The following PIBF1 variants were observed in gnomAD, a reference collection of about 807,000 sequenced individuals.
PIBF1 encodes progesterone-induced-blocking factor 1.
In PIBF1, 90 loss-of-function variants were observed where a neutral mutation model predicts 112.5. The observed-to-expected ratio is 0.80, with a 90% confidence interval of 0.67 to 0.95. PIBF1 has a LOEUF of 0.95. Among genes scored for constraint, PIBF1 ranks in the 40% least tolerant of loss-of-function variants. The pLI is 0.00. For synonymous variants in PIBF1, 301 were observed against 288.6 expected (o/e 1.04, Z -0.44); for missense variants, 915 against 852.3 (o/e 1.07, Z -0.92).
At chr13:72,900,490 A>G (rs1462325085) in intron 11 of PIBF1, among the ~76,000 whole-genome samples, 1 of 152,160 alleles carries the variant, frequency 6.6e-6, no homozygotes, top group East Asian at 1.9e-4. Flanking sequence ...AAACAAAAAC[A>G]AAGTGGGGAA....
chr13:72,866,248 A>G (rs1282538507), intron 10 of PIBF1, among the ~76,000 whole-genome samples: 1 of 151,832 alleles, frequency 6.6e-6, no homozygotes, highest in East Asian at 1.9e-4. Flanking sequence ...ATCTACAAAG[A>G]CTCTTTTTCC....
intron 15 of PIBF1, among the ~76,000 whole-genome samples, chr13:72,972,189 A>G (rs1483628909): frequency 6.6e-6 from 1 of 151,504 alleles, no homozygotes; most frequent in African/African-American, 2.4e-5. Context: ...GCATGTCTCC[A>G]CACCTGGCTA....
chr13:72,944,749 G>T (rs554590066), intron 14 of PIBF1, among the ~76,000 whole-genome samples: 1 of 152,026 alleles, frequency 6.6e-6, no homozygotes, highest in Admixed American at 6.6e-5. Flanking sequence ...ACATGGGCAG[G>T]TTTATTATCT....
chr13:72,898,707 G>T (rs1350794986), intron 11 of PIBF1, among the ~76,000 whole-genome samples: 1 of 149,888 alleles, frequency 6.7e-6, no homozygotes, highest in Non-Finnish European at 1.5e-5. Context: ...AATAAAGCCG[G>T]GCATGTGGCT....
chr13:72,813,475 G>A (rs988912691), intron 5 of PIBF1, among the ~76,000 whole-genome samples: 3 of 152,178 alleles, frequency 2.0e-5, no homozygotes, highest in Non-Finnish European at 4.4e-5. Context: ...TCTGAAGGTT[G>A]ATAGGTTCAG....
intron 14 of PIBF1, among the ~76,000 whole-genome samples, chr13:72,939,830 CCT>C (rs1056234705): frequency 1.3e-5 from 2 of 151,830 alleles, no homozygotes; most frequent in African/African-American, 4.8e-5. Context: ...CTTTTCTCTC[CCT>C]CTCTCTCTTT....
chr13:72,961,161 C>T (rs2042594724), intron 14 of PIBF1, among the ~76,000 whole-genome samples: 1 of 151,558 alleles, frequency 6.6e-6, no homozygotes, highest in Non-Finnish European at 1.5e-5. Flanking sequence ...TATGTGCAAG[C>T]AGACATCCTC....
At chr13:72,876,769 C>A (rs573842591) in intron 10 of PIBF1, among the ~76,000 whole-genome samples, 25 of 152,072 alleles carry the variant, frequency 1.6e-4, no homozygotes, top group African/African-American at 6.0e-4. Context: ...TGTATATTGC[C>A]CTTGTATCCT....
At chr13:72,809,771 G>A (rs1458514742) in intron 5 of PIBF1, among the ~76,000 whole-genome samples, 2 of 151,814 alleles carry the variant, frequency 1.3e-5, no homozygotes, top group African/African-American at 2.4e-5. Flanking sequence ...TGTATTTTTA[G>A]TAGAGAGGGG....
chr13:72,945,044 T>C (rs563844689), intron 14 of PIBF1, among the ~76,000 whole-genome samples: 2 of 152,230 alleles, frequency 1.3e-5, no homozygotes, highest in South Asian at 2.1e-4. Flanking sequence ...CTTGGCCCCC[T>C]CTCCCTCTCC....
chr13:72,900,477 A>G (rs1156524405), intron 11 of PIBF1, among the ~76,000 whole-genome samples: 1 of 152,218 alleles, frequency 6.6e-6, no homozygotes, highest in East Asian at 1.9e-4. Flanking sequence ...CCTTTGACAA[A>G]GCAAACAAAA....
In PIBF1 at chr13:72,933,053, A is replaced by G. The variant is rs187223177; in HGVS notation, c.1833+1786A>G. On this transcript the variant is annotated intron_variant, in intron 14 of 17. Coordinates refer to ENST00000326291, the MANE Select transcript of PIBF1 (RefSeq NM_006346.4). ...ATAGAGAACTCCTACAAGCTGCTGC[A>G]AGCCAAGTCCAGCACACTGCTAGGT... Among the ~76,000 whole-genome samples, 65 of 151,146 alleles carry G rather than the reference A, an allele frequency of 4.3e-4. 2 individuals carry two copies. Among genetic ancestry groups the G allele is most frequent in the African/African-American group, 1.5e-3 (63 of 41,080 alleles).
At chr13:72,807,831 A>G (rs985673433) in intron 5 of PIBF1, among the ~76,000 whole-genome samples, 1 of 152,250 alleles carries the variant, frequency 6.6e-6, no homozygotes, top group South Asian at 2.1e-4. Flanking sequence ...ATTTTATTAT[A>G]GAAATTTTCA....
intron 14 of PIBF1, among the ~76,000 whole-genome samples, chr13:72,951,243 T>C (rs2042288349): frequency 6.6e-6 from 1 of 152,206 alleles, no homozygotes; most frequent in Non-Finnish European, 1.5e-5. Context: ...TTCTGGGTTA[T>C]TTTTAATAAT....
At position 72,925,542 on chromosome 13, in the gene PIBF1, C is replaced by CTTTTTTTTTTTTTTTTTTT. The variant is rs59074858; in HGVS notation, c.1731-5620_1731-5602dup. 5.9e-5 allele frequency among the ~76,000 whole-genome samples: 6 copies of CTTTTTTTTTTTTTTTTTTT among 102,032 alleles called. 1 individual carries two copies. Among genetic ancestry groups the CTTTTTTTTTTTTTTTTTTT allele is most frequent in the East Asian group, 3.1e-4 (1 of 3,224 alleles). The allele number at this position is 102,032 out of a possible 152,430, so 66.9% of individuals were successfully genotyped here. A position where few individuals can be genotyped will look rare whatever the true frequency, so the allele number is the denominator to read the frequency against. On this transcript the variant is annotated intron_variant, in intron 13 of 17. Transcript: ENST00000326291. ...TTTTTTTCCTTTTTTCTTTCTCTCTCTTTTTTTTTTTTTTTTTTTTTGAGA... is the reference window on the plus strand; with the variant it reads ...TTTTTTTCCTTTTTTCTTTCTCTCTCTTTTTTTTTTTTTTTTTTTTTTTTTTTTTTTTTTTTTTTTGAGA...
chr13:72,816,799 A>T (rs998685295), intron 5 of PIBF1, among the ~76,000 whole-genome samples: 1 of 151,652 alleles, frequency 6.6e-6, no homozygotes, highest in South Asian at 2.1e-4. Flanking sequence ...TTTTGTTTTA[A>T]TGCATAGCAG....
chr13:72,854,099 A>C lies in PIBF1; in HGVS notation c.1266A>C (p.Glu422Asp). 6.2e-7 allele frequency: 1 copy of C among 1,613,664 alleles called. No individual in the cohort carries two copies. Among genetic ancestry groups the C allele is most frequent in the Non-Finnish European group, 8.5e-7 (1 of 1,179,620 alleles). The change falls in exon 10 of 18, where the codon GAA becomes GAC. Residue 422 changes from glutamate to aspartate, a missense_variant. By Grantham distance (45) the Glu-to-Asp change is conservative. Transcript: ENST00000326291. ...EARDNAVAEK[E>D]RAVMAEKDAL... The stretch of plus-strand genomic sequence containing the variant: ...GGGATAATGCTGTGGCTGAAAAGGA[A>C]CGAGCAGTGATGGCTGAAAAGGATG...
chr13:72,893,950 G>T lies in PIBF1; in HGVS notation c.1488+1G>T. On this transcript the variant is annotated splice_donor_variant, in intron 11 of 17. Transcript: ENST00000326291. LOFTEE classifies it high-confidence loss of function. The stretch of plus-strand genomic sequence containing the variant: ...TGAAAAATATCAGAAAAAATTGGAG[G>T]TACATGTACAAGCTTTTCTTTCAAC... 2 of 1,500,906 alleles carry T rather than the reference G, an allele frequency of 1.3e-6. No individual in the cohort carries two copies. The highest frequency in any genetic ancestry group is 9.0e-7 in the Non-Finnish European group (1 of 1,114,662). The allele number at this position is 1,500,906 out of a possible 1,614,324, so 93.0% of individuals were successfully genotyped here.
intron 9 of PIBF1, among the ~76,000 whole-genome samples, chr13:72,843,317 C>T (rs189887729): frequency 6.6e-6 from 1 of 152,312 alleles, no homozygotes; most frequent in Admixed American, 6.5e-5. Flanking sequence ...TTGGCAAGAT[C>T]TGGTGATTGA....
Sources: allele counts gnomAD v4.1 joint callset (sites outside exome capture counted in the v4.1 genomes callset), GRCh38; gene constraint gnomAD v4.1.1; transcripts MANE v1.5; gene names NCBI Gene and HGNC (gene_info 2026-07-23, HGNC 2026-07-21).